The following BEAN1 variants were observed in gnomAD, a reference collection of about 807,000 sequenced individuals.
BEAN1 encodes the protein brain expressed associated with NEDD4 1, also known as protein BEAN1.
In BEAN1, 17 loss-of-function variants were observed where a neutral mutation model predicts 17.7. The observed-to-expected ratio is 0.96, with a 90% confidence interval of 0.66 to 1.44. BEAN1 has a LOEUF of 1.44. Among genes scored for constraint, BEAN1 ranks in the 40% most tolerant of loss-of-function variants. The pLI is 0.00. For missense variants in BEAN1, 359 were observed against 374.1 expected (o/e 0.96, Z 0.33); for synonymous variants, 142 against 151.8 (o/e 0.94, Z 0.47).
intron 2 of BEAN1, among the ~76,000 whole-genome samples, chr16:66,468,936 C>T (rs1963360954): frequency 6.6e-6 from 1 of 152,144 alleles, no homozygotes; most frequent in African/African-American, 2.4e-5. Context: ...CCCCTTGCTC[C>T]CACCACACCA....
chr16:66,493,010 C>T, exon 5 of BEAN1: 1 of 703,008 alleles, frequency 1.4e-6, no homozygotes, highest in Non-Finnish European at 2.6e-6. Flanking sequence ...GCTTTCCAGA[C>T]ACAAACTGGA....
At chr16:66,445,253 G>A (rs962127345) in intron 2 of BEAN1, among the ~76,000 whole-genome samples, 3 of 151,720 alleles carry the variant, frequency 2.0e-5, no homozygotes, top group Admixed American at 6.6e-5. Context: ...GAGGCAGGCA[G>A]ATCACAAGGT....
intron 4 of BEAN1, among the ~76,000 whole-genome samples, chr16:66,492,340 C>A (rs1233228253): frequency 6.6e-6 from 1 of 152,010 alleles, no homozygotes; most frequent in African/African-American, 2.4e-5. Flanking sequence ...TCACACTCGG[C>A]CCCTACCAGA....
intron 2 of BEAN1, among the ~76,000 whole-genome samples, chr16:66,445,538 G>A (rs2142391108): frequency 6.8e-6 from 1 of 147,452 alleles, no homozygotes; most frequent in East Asian, 2.0e-4. Flanking sequence ...GATGGGTCAG[G>A]GCATAGGCTC....
intron 2 of BEAN1, among the ~76,000 whole-genome samples, chr16:66,449,406 G>A (rs570451288): frequency 2.6e-5 from 4 of 152,056 alleles, no homozygotes; most frequent in Admixed American, 6.6e-5. Flanking sequence ...TCGGGAGTTC[G>A]AGATCAGCCT....
chr16:66,480,480 G>C, intron 4 of BEAN1, 106 bp from the exon 5 acceptor site: 1 of 936,620 alleles, frequency 1.1e-6, no homozygotes, highest in Non-Finnish European at 1.6e-6. Context: ...GCCCACCCTG[G>C]TCCACAGCCA....
intron 2 of BEAN1, among the ~76,000 whole-genome samples, chr16:66,449,761 C>T (rs1962601716): frequency 6.6e-6 from 1 of 152,094 alleles, no homozygotes; most frequent in Middle Eastern, 3.2e-3. Flanking sequence ...GGCTATTATA[C>T]ACACGCAATA....
intron 1 of BEAN1, among the ~76,000 whole-genome samples, chr16:66,435,569 C>G (rs1480423363): frequency 1.3e-5 from 2 of 152,000 alleles, no homozygotes; most frequent in African/African-American, 4.8e-5. Flanking sequence ...CTCACTGCAA[C>G]CTCCACCTCC....
At chr16:66,463,109 A>G (rs1963143420) in intron 2 of BEAN1, among the ~76,000 whole-genome samples, 1 of 152,184 alleles carries the variant, frequency 6.6e-6, no homozygotes, top group South Asian at 2.1e-4. Flanking sequence ...ATGAATATTC[A>G]TGTACACATT....
intron 2 of BEAN1, among the ~76,000 whole-genome samples, chr16:66,468,146 C>T (rs1301212872): frequency 6.6e-6 from 1 of 152,236 alleles, no homozygotes; most frequent in Non-Finnish European, 1.5e-5. Context: ...AGGCCTCACT[C>T]TCCTGAGGCA....
chr16:66,492,946 C>A (rs1029757809), intron 4 of BEAN1: 24 of 699,984 alleles, frequency 3.4e-5, no homozygotes, highest in Non-Finnish European at 5.7e-5. Context: ...CTAACAAGCT[C>A]CCTTGTCTGT....
chr16:66,440,379 C>T (rs1025293737), intron 2 of BEAN1, among the ~76,000 whole-genome samples: 10 of 151,142 alleles, frequency 6.6e-5, no homozygotes, highest in African/African-American at 2.5e-4. Flanking sequence ...GATCTGCCTG[C>T]GTTGGCCTCC....
intron 4 of BEAN1, among the ~76,000 whole-genome samples, chr16:66,479,670 G>C (rs115256283): frequency 6.6e-6 from 1 of 152,212 alleles, no homozygotes; most frequent in African/African-American, 2.4e-5. Context: ...CACTGAGGCA[G>C]AGACTGGCCT....
downstream of BEAN1, chr16:66,483,247 C>T (rs1470628013): frequency 1.1e-5 from 2 of 175,662 alleles, no homozygotes; most frequent in Non-Finnish European, 2.5e-5. Context: ...ACCATTGAAG[C>T]CTTGTCATTT....
At chr16:66,480,416 C>T (rs1963940619) in intron 4 of BEAN1, among the ~76,000 whole-genome samples, 170 bp from the exon 5 acceptor site, 1 of 152,188 alleles carries the variant, frequency 6.6e-6, no homozygotes, top group African/African-American at 2.4e-5. Flanking sequence ...TCTGAGGTCC[C>T]CCTCTGGAGA....
chr16:66,444,112 G>A (rs1441306793), intron 2 of BEAN1, among the ~76,000 whole-genome samples: 1 of 152,210 alleles, frequency 6.6e-6, no homozygotes, highest in African/African-American at 2.4e-5. Flanking sequence ...CAAAGTGCTT[G>A]CATTTCACTG....
chr16:66,490,454 T>TAAAATAA (rs772932259), intron 4 of BEAN1, among the ~76,000 whole-genome samples: 46 of 45,114 alleles, frequency 1.0e-3, no homozygotes, highest in East Asian at 2.2e-3. Context: ...TAAAATAAAA[T>TAAAATAA]AATAAAATAA....
chr16:66,491,701 TCAAG>T (rs1426906701), intron 4 of BEAN1, among the ~76,000 whole-genome samples: 1 of 152,150 alleles, frequency 6.6e-6, no homozygotes, highest in Non-Finnish European at 1.5e-5. Flanking sequence ...CCTCAGACCA[TCAAG>T]CATTAGATTT....
intron 2 of BEAN1, among the ~76,000 whole-genome samples, chr16:66,454,506 C>T (rs1026295098): frequency 1.3e-5 from 2 of 151,978 alleles, no homozygotes; most frequent in Non-Finnish European, 2.9e-5. Flanking sequence ...AAATATATAT[C>T]TTGCCTTAAA....
Sources: allele counts gnomAD v4.1 joint callset (sites outside exome capture counted in the v4.1 genomes callset), GRCh38; gene constraint gnomAD v4.1.1; transcripts MANE v1.5; gene names NCBI Gene and HGNC (gene_info 2026-07-23, HGNC 2026-07-21).